Variants in DDHD2 observed in about 807,000 individuals in gnomAD.
DDHD2 encodes DDHD domain containing 2.
Under a neutral mutation model 91.2 loss-of-function variants are expected in DDHD2, and 62 were observed. That is an observed-to-expected ratio of 0.68 (90% CI 0.55 to 0.84). DDHD2 has a LOEUF of 0.84. DDHD2 is among the 40% of genes least tolerant of loss of function. The pLI, the probability that DDHD2 is intolerant of heterozygous loss-of-function variation, is 0.00. For missense variants in DDHD2, 740 were observed against 846.9 expected (o/e 0.87, Z 1.57); for synonymous variants, 271 against 293.9 (o/e 0.92, Z 0.80).
At chr8:38,250,819 G>A (rs1173723125) in intron 11 of DDHD2, 1 of 151,890 alleles carries the variant, frequency 6.6e-6, no homozygotes, top group Non-Finnish European at 1.5e-5. Flanking sequence ...ATACCCATTT[G>A]CTGTCACTCC....
chr8:38,232,099 C>T (rs1804307549), intron 1 of DDHD2: 1 of 152,996 alleles, frequency 6.5e-6, no homozygotes, highest in African/African-American at 2.4e-5. Context: ...AGCGGGGCGC[C>T]AGGGCCTAGG....
chr8:38,264,397 T>C (rs771193298), downstream of DDHD2: 32 of 1,427,174 alleles, frequency 2.2e-5, no homozygotes, highest in Non-Finnish European at 2.5e-5. Flanking sequence ...CCTCCCAAAG[T>C]GTTGGGATTA....
intron 6 of DDHD2, 172 bp from the exon 7 acceptor site, chr8:38,242,078 C>A (rs1420809121): frequency 1.4e-5 from 8 of 554,788 alleles, no homozygotes; most frequent in East Asian, 6.6e-5. Context: ...ATTAAAGAAA[C>A]ATCTTTTCCT....
rs536563926 is a variant in DDHD2 at position 38,259,488 on chromosome 8, C to G, written c.2055-552C>G. Among the ~76,000 whole-genome samples the G allele has an allele frequency of 3.7e-4, 56 of 151,992 alleles. 1 individual carries two copies. The highest frequency in any genetic ancestry group is 1.3e-3 in the African/African-American group (53 of 41,450). On this transcript the variant is annotated intron_variant, in intron 16 of 17. Transcript: ENST00000397166. ...GCAACCTCCGCTTCCTGGGTTCAAG[C>G]AATTCTTCTGCCTCAGTCTCCCCAG...
At chr8:38,241,065 CAAA>C (rs1176378276) in intron 6 of DDHD2, among the ~76,000 whole-genome samples, 3 of 50,524 alleles carry the variant, frequency 5.9e-5, no homozygotes, top group Non-Finnish European at 8.4e-5. Context: ...AGTGAGACCT[CAAA>C]AAAAAAAAAA....
chr8:38,264,410 G>A (rs1261641628), downstream of DDHD2: 1 of 1,508,442 alleles, frequency 6.6e-7, no homozygotes, highest in Non-Finnish European at 8.9e-7. Context: ...TGGGATTACA[G>A]GCATGAGCCA....
chr8:38,232,690 C>G (rs1046975727), intron 1 of DDHD2, among the ~76,000 whole-genome samples: 1 of 152,152 alleles, frequency 6.6e-6, no homozygotes, highest in Non-Finnish European at 1.5e-5. Flanking sequence ...AATCTAGTTT[C>G]GAGCATGTGG....
Position 38,245,739 on chromosome 8 carries a change from C to T in DDHD2, c.849-3C>T, listed in dbSNP as rs1299996854. The T allele has an allele frequency of 1.2e-6, 2 of 1,610,630 alleles. No individual in the cohort carries two copies. Among genetic ancestry groups the T allele is most frequent in the Non-Finnish European group, 8.5e-7 (1 of 1,179,006 alleles). On this transcript the variant is annotated splice_region_variant and splice_polypyrimidine_tract_variant and intron_variant, in intron 7 of 17. Coordinates refer to ENST00000397166, the MANE Select transcript of DDHD2 (RefSeq NM_015214.3). ...CTGCTTATATTATTTTTCCTTTTTTCAGAGATCTGCAGCGAATAACCCTGC... is the reference window on the plus strand; with the variant it reads ...CTGCTTATATTATTTTTCCTTTTTTTAGAGATCTGCAGCGAATAACCCTGC...
intron 4 of DDHD2, 73 bp downstream of exon 4, chr8:38,237,700 T>C (rs542138652): frequency 1.2e-5 from 10 of 808,148 alleles, no homozygotes; most frequent in Middle Eastern, 2.3e-4. Flanking sequence ...TTGGTTTCTT[T>C]TGCTAAGCAC....
rs577476662 is a variant in DDHD2 at position 38,253,951 on chromosome 8, T to A, written c.2054+233T>A. Among the ~76,000 whole-genome samples the A allele has an allele frequency of 2.0e-5, 3 of 151,992 alleles. No individual in the cohort carries two copies. The South Asian group carries it at 6.3e-4, about 32-fold the overall frequency. ...ATTAGCTGGGCGTGGTGGTATGCGC[T>A]TATAGTCCCAGCTACTTGGGAGGCT... On this transcript the variant is annotated intron_variant, in intron 16 of 17. Transcript: ENST00000397166.
At chr8:38,238,621 TTTATAATATATTTAATTGGA>T (rs1804993103) in intron 5 of DDHD2, 25 of 984,758 alleles carry the variant, frequency 2.5e-5, no homozygotes, top group Non-Finnish European at 3.0e-5. Flanking sequence ...CACTTATGGT[TTTATAATATATTTAATTGGA>T]TTATAATATT....
At chr8:38,250,234 G>C (rs1806007972) in intron 11 of DDHD2, 1 of 150,226 alleles carries the variant, frequency 6.7e-6, no homozygotes. Context: ...TCTCTTTCTA[G>C]AAATTAAACA....
rs1806161242 is a variant in DDHD2, at chr8:38,252,181, C to T, written c.1511C>T (p.Ala504Val). The change falls in exon 13 of 18, where the codon GCC becomes GTC. Residue 504 changes from alanine (A) to valine (V), a missense_variant. Physicochemically the swap from Ala to Val is moderately conservative, Grantham distance 64. Transcript: ENST00000397166. ...ATCTATAAACCAGAGATATTCTTTGCCTTTGGATCTCCCATTGGAATGTTC... is the reference window on the plus strand; with the variant it reads ...ATCTATAAACCAGAGATATTCTTTGTCTTTGGATCTCCCATTGGAATGTTC... ...RLIYKPEIFF[A>V]FGSPIGMFLT... 1 of 1,614,124 alleles carries T rather than the reference C, an allele frequency of 6.2e-7. No homozygotes were observed. The highest frequency in any genetic ancestry group is 2.2e-5 in the East Asian group (1 of 44,876).
At chr8:38,242,762 T>C (rs1204406663) in intron 7 of DDHD2, among the ~76,000 whole-genome samples, 1 of 152,220 alleles carries the variant, frequency 6.6e-6, no homozygotes, top group African/African-American at 2.4e-5. Context: ...ATAATATTTG[T>C]CCAAATTTAG....
At chr8:38,247,564 G>T in intron 9 of DDHD2, 149 bp from the exon 10 acceptor site, 2 of 457,580 alleles carry the variant, frequency 4.4e-6, no homozygotes, top group Non-Finnish European at 3.7e-6. Flanking sequence ...CAAAACCTTG[G>T]AACCTCTTAA....
rs762759310 is a variant in DDHD2, at chr8:38,253,585, G to A, written c.1921G>A (p.Val641Ile). The A allele has an allele frequency of 8.7e-6, 14 of 1,614,176 alleles. No individual in the cohort carries two copies. In the South Asian group the frequency reaches 1.5e-4, roughly 18 times the overall value. ...DVNTEETSVA[V>I]KEEVLPINVG... is the part of the protein sequence containing the mutation. Reference sequence around the variant, plus strand: ...TAACACAGAAGAGACCTCTGTGGCAGTTAAAGAAGAAGTCCTGCCTATCAA... The same window carrying A: ...TAACACAGAAGAGACCTCTGTGGCAATTAAAGAAGAAGTCCTGCCTATCAA... Residue 641 changes from valine to isoleucine, a missense_variant, in exon 16 of 18, where the codon GTT (valine) becomes ATT (isoleucine). Val to Ile is a conservative substitution (Grantham distance 29). This residue lies in a region of DDHD2 where 47 missense variants were observed against 82.6 expected (regional missense o/e 0.57). Coordinates refer to ENST00000397166, the MANE Select transcript of DDHD2 (RefSeq NM_015214.3).
At chr8:38,248,274 G>A (rs1347002801) in intron 10 of DDHD2, among the ~76,000 whole-genome samples, 2 of 151,966 alleles carry the variant, frequency 1.3e-5, no homozygotes, top group Non-Finnish European at 2.9e-5. Context: ...TCTTGGCCAG[G>A]CTGGTCTGGA....
chr8:38,238,340 G>T, intron 5 of DDHD2, 131 bp downstream of exon 5: 1 of 1,459,544 alleles, frequency 6.9e-7, no homozygotes, highest in Non-Finnish European at 9.0e-7. Flanking sequence ...TTTATTCCAA[G>T]TTGAGATTAG....
At chr8:38,257,987 T>A (rs1459969967) in intron 16 of DDHD2, among the ~76,000 whole-genome samples, 4 of 151,818 alleles carry the variant, frequency 2.6e-5, no homozygotes, top group Non-Finnish European at 4.4e-5. Flanking sequence ...ATATATATAA[T>A]TTTTTTTAGA....
Sources: allele counts gnomAD v4.1 joint callset (sites outside exome capture counted in the v4.1 genomes callset), GRCh38; gene constraint gnomAD v4.1.1; regional missense constraint gnomAD v4.1.1; transcripts MANE v1.5; gene names NCBI Gene and HGNC (gene_info 2026-07-23, HGNC 2026-07-21).